The following PTPRA variants were observed in gnomAD, a reference collection of about 807,000 sequenced individuals.
PTPRA encodes the protein receptor-type tyrosine-protein phosphatase alpha.
A neutral mutation model predicts 104.8 loss-of-function variants in PTPRA; 25 were observed. The ratio of observed to expected loss-of-function variants is 0.24; its 90% CI spans 0.17 to 0.33. The LOEUF (loss-of-function observed/expected upper bound fraction) is 0.33. Ranked by LOEUF, PTPRA falls within the 10% of genes least tolerant of loss-of-function variation. The probability of loss-of-function intolerance (pLI) is 1.00; values close to 1 mark genes in which losing one functional copy is unlikely to be tolerated. For synonymous variants in PTPRA, 323 were observed against 368.9 expected (o/e 0.88, Z 1.43); for missense variants, 765 against 1,015.3 (o/e 0.75, Z 3.35).
chr20:2,905,069 G>GCAT (rs2147143899), intron 1 of PTPRA, among the ~76,000 whole-genome samples: 1 of 152,286 alleles, frequency 6.6e-6, no homozygotes, highest in South Asian at 2.1e-4. Context: ...ATCAGCAGCA[G>GCAT]CATTAGATTT....
intron 20 of PTPRA, among the ~76,000 whole-genome samples, chr20:3,032,502 T>C (rs1386331940): frequency 1.3e-5 from 2 of 152,154 alleles, no homozygotes; most frequent in Non-Finnish European, 1.5e-5. Context: ...GCGCGGTGGC[T>C]CACGCCTGTA....
chr20:2,882,382 C>T (rs2090107979), intron 1 of PTPRA, among the ~76,000 whole-genome samples: 1 of 151,622 alleles, frequency 6.6e-6, no homozygotes, highest in Non-Finnish European at 1.5e-5. Flanking sequence ...ATTGACCTCC[C>T]AGTCTCAAGT....
intron 1 of PTPRA, among the ~76,000 whole-genome samples, chr20:2,915,268 A>G (rs968199064): frequency 2.6e-5 from 4 of 152,032 alleles, no homozygotes; most frequent in African/African-American, 9.7e-5. Context: ...CTTCCTTTCT[A>G]AGGCTGAATA....
intron 2 of PTPRA, among the ~76,000 whole-genome samples, chr20:2,942,268 T>G (rs766767795): frequency 3.0e-4 from 45 of 152,230 alleles, no homozygotes; most frequent in Non-Finnish European, 5.6e-4. Flanking sequence ...TTGATCAGGT[T>G]GTGGTATAAT....
intron 3 of PTPRA, among the ~76,000 whole-genome samples, chr20:2,962,575 G>A (rs936627667): frequency 1.3e-5 from 2 of 152,144 alleles, no homozygotes; most frequent in African/African-American, 4.8e-5. Context: ...CCCTTGTGAA[G>A]GAAATTGTAT....
intron 2 of PTPRA, among the ~76,000 whole-genome samples, chr20:2,945,790 G>A (rs1399517988): frequency 8.6e-5 from 13 of 151,708 alleles, no homozygotes; most frequent in South Asian, 4.2e-4. Context: ...TTAGCCAGAC[G>A]TGGTGGCAGG....
At chr20:2,989,873 T>C (rs574455883) in intron 9 of PTPRA, among the ~76,000 whole-genome samples, 18 of 152,004 alleles carry the variant, frequency 1.2e-4, no homozygotes, top group Admixed American at 3.3e-4. Context: ...AAAAATTAGC[T>C]GGGCATGGTG....
intron 5 of PTPRA, among the ~76,000 whole-genome samples, chr20:2,968,118 T>G (rs2062012751): frequency 6.6e-6 from 1 of 152,142 alleles, no homozygotes; most frequent in South Asian, 2.1e-4. Flanking sequence ...TTGTCTTCCT[T>G]TTTGTCTTCT....
At position 3,007,242 on chromosome 20, in the gene PTPRA, GTC is replaced by G. The variant is rs1568692809; in HGVS notation, c.830-100_830-99del. 6.8e-5 allele frequency: 76 copies of G among 1,123,678 alleles called. No homozygotes were observed. In the South Asian group the frequency reaches 9.4e-4, roughly 14 times the overall value. The allele number at this position is 1,123,678 out of a possible 1,614,324, so 69.6% of individuals were successfully genotyped here. On this transcript the variant is annotated intron_variant, in intron 10 of 23. Transcript: ENST00000399903. ...GAGTGGCATCTTTATACAAGCGTGA[GTC>G]TGTGCACATAGGCACAGATGTCTCA...
chr20:2,884,387 G>A (rs1870005505), intron 1 of PTPRA, among the ~76,000 whole-genome samples: 1 of 152,140 alleles, frequency 6.6e-6, no homozygotes, highest in African/African-American at 2.4e-5. Context: ...TAGGGGTCCA[G>A]TTTCTCCCAG....
intron 1 of PTPRA, among the ~76,000 whole-genome samples, chr20:2,912,878 A>T (rs985079393): frequency 1.3e-5 from 2 of 152,220 alleles, no homozygotes; most frequent in Non-Finnish European, 2.9e-5. Flanking sequence ...TACTTTGACT[A>T]TCCAGAAATT....
chr20:2,888,137 G>A (rs1434072987), intron 1 of PTPRA, among the ~76,000 whole-genome samples: 1 of 152,220 alleles, frequency 6.6e-6, no homozygotes, highest in African/African-American at 2.4e-5. Context: ...GCTGGTGGAA[G>A]ACAAAGAAAA....
chr20:2,905,295 A>G (rs1404940199), intron 1 of PTPRA, among the ~76,000 whole-genome samples: 2 of 152,224 alleles, frequency 1.3e-5, no homozygotes, highest in Non-Finnish European at 2.9e-5. Context: ...AATAGAGTAT[A>G]TATAATCAAA....
chr20:2,953,617 T>G, intron 3 of PTPRA, among the ~76,000 whole-genome samples: 1 of 151,860 alleles, frequency 6.6e-6, no homozygotes, highest in Non-Finnish European at 1.5e-5. Context: ...TGTTTTGTTT[T>G]TTTTTTTTGA....
At chr20:3,015,943 G>T (rs1178017) in intron 12 of PTPRA, 58 bp downstream of exon 12, 783,300 of 1,487,942 alleles carry the variant, frequency 0.53, 211,036 homozygotes, top group East Asian at 0.85. Context: ...AATGGGTTTG[G>T]TTTTTTTCTC....
chr20:2,878,709 C>T (rs938000506), intron 1 of PTPRA, among the ~76,000 whole-genome samples: 2 of 152,182 alleles, frequency 1.3e-5, no homozygotes, highest in Admixed American at 1.3e-4. Context: ...GAACTAGTTT[C>T]CAGCACTATC....
At chr20:2,990,604 TG>T (rs761434002) in intron 9 of PTPRA, among the ~76,000 whole-genome samples, 28 of 152,256 alleles carry the variant, frequency 1.8e-4, no homozygotes, top group Middle Eastern at 3.4e-3. Flanking sequence ...TAGTGGTACA[TG>T]CCTGCAGTCT....
chr20:3,007,842 A>G (rs12481271), intron 11 of PTPRA, among the ~76,000 whole-genome samples: 4 of 151,816 alleles, frequency 2.6e-5, no homozygotes, highest in Non-Finnish European at 4.4e-5. Context: ...GTGTGTGTAT[A>G]TATATATATA....
In PTPRA at chr20:3,035,758, C is replaced by T; in HGVS notation, c.2047-32C>T. On this transcript the variant is annotated intron_variant, in intron 21 of 23. Transcript: ENST00000399903. The surrounding 1 kb of genome is among the most constrained non-coding windows in gnomAD (Gnocchi z 5.8). Reference sequence around the variant, plus strand: ...TCTGCCCACAGGAAAAGCAGGGTTACCCCTGCCTCCCTGATCCCCTTTTTT... The same window carrying T: ...TCTGCCCACAGGAAAAGCAGGGTTATCCCTGCCTCCCTGATCCCCTTTTTT... 2 of 1,614,186 alleles carry T rather than the reference C, an allele frequency of 1.2e-6. No individual in the cohort carries two copies. The highest frequency in any genetic ancestry group is 1.1e-5 in the South Asian group (1 of 91,082).
Sources: gnomAD v4.1 joint callset for allele counts (sites outside exome capture counted in the v4.1 genomes callset) on GRCh38, gnomAD v4.1.1 for gene constraint, Gnocchi (gnomAD v3.1) non-coding constraint, MANE v1.5 for transcripts, NCBI Gene and HGNC (gene_info 2026-07-23, HGNC 2026-07-21) for gene names.